EHMT1: variants seen among roughly 807,000 people sequenced by gnomAD.
EHMT1 encodes the protein euchromatic histone lysine methyltransferase 1.
In EHMT1, 15 loss-of-function variants were observed where a neutral mutation model predicts 147.2. The observed-to-expected ratio is 0.10, with a 90% CI of 0.07 to 0.16. EHMT1 has a LOEUF of 0.16. Ranked by LOEUF, EHMT1 falls within the 10% of genes least tolerant of loss-of-function variation. EHMT1 has a pLI of 1.00. For missense variants in EHMT1, 1,587 were observed against 1,772.4 expected, an observed-to-expected ratio of 0.90 and a Z score of 1.88; for synonymous variants, 795 against 709.6, an observed-to-expected ratio of 1.12 and a Z score of -1.91.
intron 21 of EHMT1, 23 bp from the exon 22 acceptor site, chr9:137,814,408 C>T (rs1954758514): frequency 1.2e-6 from 2 of 1,609,488 alleles, no homozygotes; most frequent in Non-Finnish European, 8.5e-7. Flanking sequence ...GCACGTCTGA[C>T]CCCCCGGCGC....
intron 1 of EHMT1, among the ~76,000 whole-genome samples, chr9:137,703,627 C>T (rs1944020134): frequency 6.6e-6 from 1 of 152,130 alleles, no homozygotes; most frequent in Admixed American, 6.5e-5. Context: ...CTCCAATTCC[C>T]AATAGGTTCC....
At chr9:137,710,907 C>A (rs922680042) in intron 1 of EHMT1, 60 bp from the exon 2 acceptor site, 2 of 1,533,940 alleles carry the variant, frequency 1.3e-6, no homozygotes, top group Non-Finnish European at 1.8e-6. Flanking sequence ...CAAATGATGT[C>A]CATTTGGAAA....
chr9:137,649,329 G>A (rs1042392988), intron 1 of EHMT1, among the ~76,000 whole-genome samples: 10 of 152,046 alleles, frequency 6.6e-5, no homozygotes, highest in Non-Finnish European at 1.3e-4. Flanking sequence ...ATGTGGTGAC[G>A]GGTGCCTGTA....
Position 137,775,443 on chromosome 9 carries a change from C to CT in EHMT1, c.1791+193dup, listed in dbSNP as rs897716894. ...TGTCGAGCCCCAGTGCCTTAGACAC[C>CT]TTCACCCCCAACCCCCATTTCCCTC... On this transcript the variant is annotated intron_variant, in intron 11 of 26. Transcript: ENST00000460843. The surrounding 1 kb of genome is among the most constrained non-coding windows in gnomAD (Gnocchi z 6.1). Among the ~76,000 whole-genome samples, 1 of 151,878 alleles carries CT rather than the reference C, an allele frequency of 6.6e-6. No individual in the cohort carries two copies. Among genetic ancestry groups the CT allele is most frequent in the African/African-American group, 2.4e-5 (1 of 41,386 alleles).
At chr9:137,822,895 G>GGAA (rs1554901890) in intron 25 of EHMT1, among the ~76,000 whole-genome samples, 2 of 128,100 alleles carry the variant, frequency 1.6e-5, no homozygotes, top group African/African-American at 5.7e-5. Context: ...ACTTCATCTC[G>GGAA]AAAAAAAAAA....
chr9:137,655,144 A>G (rs1336372920), intron 1 of EHMT1, among the ~76,000 whole-genome samples: 1 of 151,932 alleles, frequency 6.6e-6, no homozygotes, highest in African/African-American at 2.4e-5. Context: ...GACTACAGGT[A>G]TACGCCACTA....
chr9:137,668,224 TG>T (rs947118418), intron 1 of EHMT1, among the ~76,000 whole-genome samples: 1 of 152,200 alleles, frequency 6.6e-6, no homozygotes, highest in African/African-American at 2.4e-5. Flanking sequence ...CTAACTGACC[TG>T]GGACTTGCAG....
rs1386875637 is a variant in EHMT1 at position 137,790,938 on chromosome 9, C to T, written c.2473C>T (p.Leu825Phe). 1 of 1,614,174 alleles carries T rather than the reference C, an allele frequency of 6.2e-7. No individual in the cohort carries two copies. Among genetic ancestry groups the T allele is most frequent in the East Asian group, 2.2e-5 (1 of 44,888 alleles). Residue 825 changes from leucine (L) to phenylalanine (F), a missense_variant, in exon 16 of 27, where the codon CTC becomes TTC. This residue lies in a region of EHMT1 where 201 missense variants were observed against 350.1 expected (regional missense o/e 0.57). Transcript: ENST00000460843. ...ENNHLEAVKY[L>F]IKAGALVDPK... Reference sequence around the variant, plus strand: ...CAACCATCTGGAAGCAGTGAAGTACCTCATCAAGGCTGGGGCCCTGGTGGA... The same window carrying T: ...CAACCATCTGGAAGCAGTGAAGTACTTCATCAAGGCTGGGGCCCTGGTGGA...
chr9:137,699,696 AAG>A (rs1056790775), intron 1 of EHMT1, among the ~76,000 whole-genome samples: 3 of 150,342 alleles, frequency 2.0e-5, no homozygotes, highest in Non-Finnish European at 4.4e-5. Flanking sequence ...AAAAGAGAAA[AAG>A]ATGTTGGCCT....
At chr9:137,663,574 T>C (rs1179657983) in intron 1 of EHMT1, among the ~76,000 whole-genome samples, 1 of 152,058 alleles carries the variant, frequency 6.6e-6, no homozygotes, top group Admixed American at 6.5e-5. Context: ...GCTCTCAATC[T>C]TACTTAAACA....
chr9:137,669,522 T>A (rs1244348222), intron 1 of EHMT1, among the ~76,000 whole-genome samples: 1 of 124,436 alleles, frequency 8.0e-6, no homozygotes, highest in African/African-American at 3.1e-5. Context: ...GCACAGCACG[T>A]GCACTCGACT....
chr9:137,761,718 A>G (rs1484832720), intron 9 of EHMT1, among the ~76,000 whole-genome samples: 1 of 152,174 alleles, frequency 6.6e-6, no homozygotes, highest in African/African-American at 2.4e-5. Context: ...TGGCCTCCCA[A>G]AGTGCTGGGA....
At chr9:137,799,923 G>A (rs926383417) in intron 17 of EHMT1, among the ~76,000 whole-genome samples, 1 of 152,234 alleles carries the variant, frequency 6.6e-6, no homozygotes, top group African/African-American at 2.4e-5. Flanking sequence ...CATTGAGCAG[G>A]GGGGCTGGGC....
chr9:137,647,426 G>A (rs781468217), intron 1 of EHMT1, among the ~76,000 whole-genome samples: 30 of 152,110 alleles, frequency 2.0e-4, no homozygotes, highest in Non-Finnish European at 3.8e-4. Context: ...GACGCTGTCG[G>A]CTCTACCTTT....
intron 1 of EHMT1, among the ~76,000 whole-genome samples, chr9:137,686,380 A>T (rs1942432300): frequency 6.6e-6 from 1 of 151,908 alleles, no homozygotes; most frequent in Non-Finnish European, 1.5e-5. Flanking sequence ...AGGCAGTTTT[A>T]AAAATTTTTT....
At chr9:137,673,481 T>C (rs1198360112) in intron 1 of EHMT1, among the ~76,000 whole-genome samples, 1 of 152,200 alleles carries the variant, frequency 6.6e-6, no homozygotes, top group Non-Finnish European at 1.5e-5. Flanking sequence ...AGGGCAGCTG[T>C]GTCCAGCTGC....
At chr9:137,729,258 C>A (rs962138849) in intron 4 of EHMT1, among the ~76,000 whole-genome samples, 2 of 152,188 alleles carry the variant, frequency 1.3e-5, no homozygotes, top group African/African-American at 4.8e-5. Context: ...GGATGATCAC[C>A]TGGCCACAGG....
At chr9:137,683,570 A>C (rs912970016) in intron 1 of EHMT1, among the ~76,000 whole-genome samples, 4 of 152,246 alleles carry the variant, frequency 2.6e-5, no homozygotes, top group African/African-American at 9.6e-5. Context: ...CTACAGGTGC[A>C]CCATCATGAC....
intron 18 of EHMT1, among the ~76,000 whole-genome samples, chr9:137,807,747 A>T (rs1954073046): frequency 6.6e-6 from 1 of 152,104 alleles, no homozygotes; most frequent in Non-Finnish European, 1.5e-5. Flanking sequence ...ACCTCAAGTG[A>T]TTCCCCCGCC....
Sources: allele counts gnomAD v4.1 joint callset (sites outside exome capture counted in the v4.1 genomes callset), GRCh38; gene constraint gnomAD v4.1.1; regional missense constraint gnomAD v4.1.1; non-coding constraint Gnocchi (gnomAD v3.1); transcripts MANE v1.5; gene names NCBI Gene and HGNC (gene_info 2026-07-23, HGNC 2026-07-21).